Variants in CDH22 observed in about 807,000 individuals in gnomAD.
CDH22 encodes cadherin 22.
In CDH22, 30 loss-of-function variants were observed where a neutral mutation model predicts 58.4. The observed-to-expected ratio is 0.51, with a 90% CI of 0.38 to 0.70. CDH22 has a LOEUF of 0.70. Ranked by LOEUF, CDH22 falls within the 30% of genes least tolerant of loss-of-function variation. The pLI, the probability that CDH22 is intolerant of heterozygous loss-of-function variation, is 0.00. For missense variants in CDH22, 1,014 were observed against 1,233.9 expected, an observed-to-expected ratio of 0.82 and a Z score of 2.67; for synonymous variants, 513 against 558.2, an observed-to-expected ratio of 0.92 and a Z score of 1.14.
chr20:46,239,998 G>C (rs925969266), intron 3 of CDH22, among the ~76,000 whole-genome samples: 5 of 152,116 alleles, frequency 3.3e-5, no homozygotes, highest in Admixed American at 3.3e-4. Flanking sequence ...CTTTCTATGG[G>C]CATAATCATG....
chr20:46,264,255 C>T (rs1001360057), intron 1 of CDH22, among the ~76,000 whole-genome samples: 2 of 152,072 alleles, frequency 1.3e-5, no homozygotes, highest in African/African-American at 4.8e-5. Context: ...GAAGGCTAGG[C>T]AAAGGGACAC....
At chr20:46,200,303 C>G (rs2085950327) in intron 7 of CDH22, among the ~76,000 whole-genome samples, 1 of 151,780 alleles carries the variant, frequency 6.6e-6, no homozygotes, top group African/African-American at 2.4e-5. Context: ...TAGCCAGGGT[C>G]TCACTCTGTT....
rs182023014 is a variant in CDH22, at chr20:46,175,019, G to A, written c.1974C>T (p.Asp658=). The A allele has an allele frequency of 5.0e-6, 8 of 1,609,706 alleles. No individual in the cohort carries two copies. The East Asian group carries it at 6.7e-5, about 14-fold the overall frequency. The part of the protein sequence containing the change: ...RRHHKSHLSS[D]EDEDMRDNVI... ...CGTTGTCCCGCATGTCTTCATCCTC[G>A]TCCGAGCTCAGGTGGCTCTTGTGGT... Residue 658 remains aspartate, a synonymous_variant, in exon 12 of 12, where the codon GAC becomes GAT. Coordinates refer to ENST00000537909, the MANE Select transcript of CDH22 (RefSeq NM_021248.3).
chr20:46,258,885 G>T (rs1194337287), intron 1 of CDH22, among the ~76,000 whole-genome samples: 1 of 152,246 alleles, frequency 6.6e-6, no homozygotes, highest in Non-Finnish European at 1.5e-5. Flanking sequence ...GGGCCAAGAA[G>T]AGGGGAGGTC....
intron 8 of CDH22, among the ~76,000 whole-genome samples, chr20:46,189,056 C>G (rs571358047): frequency 6.6e-6 from 1 of 152,066 alleles, no homozygotes; most frequent in African/African-American, 2.4e-5. Context: ...CAGCTGCTCA[C>G]GTGTTGATAA....
At chr20:46,279,135 C>T (rs758785480) in intron 1 of CDH22, among the ~76,000 whole-genome samples, 4 of 152,312 alleles carry the variant, frequency 2.6e-5, no homozygotes, top group East Asian at 1.9e-4. Context: ...TTGGCTCCCA[C>T]GTGGTTTTAC....
At chr20:46,246,947 C>G (rs939641147) in intron 2 of CDH22, among the ~76,000 whole-genome samples, 1 of 145,214 alleles carries the variant, frequency 6.9e-6, no homozygotes, top group South Asian at 2.1e-4. Context: ...CACAAGCACT[C>G]GTACATACGA....
chr20:46,216,088 T>C lies in CDH22; in HGVS notation c.838+738A>G, dbSNP rs2086083247. Among the ~76,000 whole-genome samples, 1 of 152,096 alleles carries C rather than the reference T, an allele frequency of 6.6e-6. No individual in the cohort carries two copies. Among genetic ancestry groups the C allele is most frequent in the African/African-American group, 2.4e-5 (1 of 41,420 alleles). ...AGAGCAGCAGACCTCAAGTAATGACTCACCCGATAGGAATCAGCCCAGCTC... is the reference window on the plus strand; with the variant it reads ...AGAGCAGCAGACCTCAAGTAATGACCCACCCGATAGGAATCAGCCCAGCTC... On this transcript the variant is annotated intron_variant, in intron 5 of 11. Transcript: ENST00000537909. The surrounding 1 kb of genome is among the most constrained non-coding windows in gnomAD (Gnocchi z 5.3).
At chr20:46,179,344 C>G (rs2085768154) in intron 10 of CDH22, among the ~76,000 whole-genome samples, 1 of 152,194 alleles carries the variant, frequency 6.6e-6, no homozygotes, top group Non-Finnish European at 1.5e-5. Context: ...CTGTTGGCAG[C>G]CTGGGTTCCT....
rs1351948555 is a variant in CDH22, at chr20:46,308,450, AGAGCGAGGGAGTGAGCGAGCGAGCGG to A, written c.-621_-596del. On this transcript the variant is annotated 5_prime_UTR_variant, in exon 1 of 12. Transcript: ENST00000537909. The surrounding 1 kb of genome is among the most constrained non-coding windows in gnomAD (Gnocchi z 4.3). ...GTGAGCGAGAGAGCGAGAGAGCGAG[AGAGCGAGGGAGTGAGCGAGCGAGCGG>A]GAGCGAGGGAGTGTGCGTGTCTGAC... is the stretch of plus-strand genomic sequence containing the variant. The A allele has an allele frequency of 2.3e-5, 5 of 216,620 alleles. No individual in the cohort carries two copies. Among genetic ancestry groups the A allele is most frequent in the Admixed American group, 6.0e-5 (1 of 16,732 alleles). The allele number at this position is 216,620 out of a possible 1,614,324, so 13.4% of individuals were successfully genotyped here. A position where few individuals can be genotyped will look rare whatever the true frequency, so the allele number is the denominator to read the frequency against.
rs2086371808 is a variant in CDH22 at position 46,251,270 on chromosome 20, C to T, written c.25G>A (p.Gly9Arg). Residue 9 changes from glycine to arginine, a missense_variant, in exon 2 of 12, where the codon GGG (glycine) becomes AGG (arginine). Physicochemically the swap from Gly to Arg is moderately radical, Grantham distance 125. Coordinates refer to ENST00000537909, the MANE Select transcript of CDH22 (RefSeq NM_021248.3). This position sits in a 1 kb window ranked among gnomAD's most constrained non-coding sequence, Gnocchi z 6.7. ...GACAGCGCGACTCCCGCCCGGAGCCCCCTACCTTCGGGCCTCGGCCTCATC... is the reference window on the plus strand; with the variant it reads ...GACAGCGCGACTCCCGCCCGGAGCCTCCTACCTTCGGGCCTCGGCCTCATC... MRPRPEGR[G>R]LRAGVALSPA... The T allele has an allele frequency of 6.8e-7, 1 of 1,462,438 alleles. No homozygotes were observed. The allele number at this position is 1,462,438 out of a possible 1,614,324, so 90.6% of individuals were successfully genotyped here. A position where few individuals can be genotyped will look rare whatever the true frequency, so the allele number is the denominator to read the frequency against.
At chr20:46,227,011 A>C (rs2086179996) in intron 4 of CDH22, among the ~76,000 whole-genome samples, 1 of 152,190 alleles carries the variant, frequency 6.6e-6, no homozygotes, top group South Asian at 2.1e-4. Context: ...CTCTTCCTTA[A>C]AGGTCTCTGT....
At chr20:46,220,605 T>C (rs1316302036) in intron 4 of CDH22, 1 of 152,312 alleles carries the variant, frequency 6.6e-6, no homozygotes, top group Non-Finnish European at 1.5e-5. Flanking sequence ...TCTATGGGCT[T>C]GGGCACCAAA....
At position 46,202,183 on chromosome 20, in the gene CDH22, T is replaced by C. The variant is rs375340849; in HGVS notation, c.1287-2624A>G. On this transcript the variant is annotated intron_variant, in intron 7 of 11. Transcript: ENST00000537909. ...CAGGGGTGAATTCCAGCGAGCCTTC[T>C]GCTTGCCCAGCCACGTGTCCTAGAC... Among the ~76,000 whole-genome samples the C allele has an allele frequency of 4.6e-4, 70 of 152,162 alleles. No individual in the cohort carries two copies. In the East Asian group the frequency reaches 8.7e-3, roughly 19 times the overall value.
intron 1 of CDH22, among the ~76,000 whole-genome samples, chr20:46,275,151 G>A (rs2086511385): frequency 6.6e-6 from 1 of 152,196 alleles, no homozygotes. Flanking sequence ...ACAAAAGCCA[G>A]TGTTTCTATA....
chr20:46,192,798 C>T (rs2085870523), intron 8 of CDH22, among the ~76,000 whole-genome samples: 2 of 152,028 alleles, frequency 1.3e-5, no homozygotes, highest in Admixed American at 1.3e-4. Context: ...TACAAGCCCG[C>T]CAAGACAAGC....
intron 4 of CDH22, among the ~76,000 whole-genome samples, chr20:46,222,829 G>A (rs2086136715): frequency 6.6e-6 from 1 of 152,242 alleles, no homozygotes; most frequent in African/African-American, 2.4e-5. Flanking sequence ...GCCTCGCGGC[G>A]CCCCGCCTCC....
intron 1 of CDH22, among the ~76,000 whole-genome samples, chr20:46,298,296 A>G (rs1468712121): frequency 1.3e-5 from 2 of 152,176 alleles, no homozygotes; most frequent in Non-Finnish European, 2.9e-5. Flanking sequence ...TCTAGGTAAA[A>G]TCATTCTGGT....
At chr20:46,185,193 G>A (rs1345374286) in intron 10 of CDH22, among the ~76,000 whole-genome samples, 1 of 151,874 alleles carries the variant, frequency 6.6e-6, no homozygotes, top group Non-Finnish European at 1.5e-5. Flanking sequence ...AAACCAGAGA[G>A]GAACAGGAGC....
Sources: gnomAD v4.1 joint callset for allele counts (sites outside exome capture counted in the v4.1 genomes callset) on GRCh38, gnomAD v4.1.1 for gene constraint, Gnocchi (gnomAD v3.1) non-coding constraint, MANE v1.5 for transcripts, NCBI Gene and HGNC (gene_info 2026-07-23, HGNC 2026-07-21) for gene names.